SHANK2: variants seen among roughly 807,000 people sequenced by gnomAD.
The protein encoded by SHANK2 is SH3 and multiple ankyrin repeat domains 2.
In SHANK2, 43 loss-of-function variants were observed where a neutral mutation model predicts 133.7. The ratio of observed to expected loss-of-function variants is 0.32; its 90% CI spans 0.25 to 0.41. SHANK2 has a LOEUF of 0.41. Ranked by LOEUF, SHANK2 falls within the 10% of genes least tolerant of loss-of-function variation. The probability of loss-of-function intolerance (pLI) is 1.00; values close to 1 mark genes in which losing one functional copy is unlikely to be tolerated. For missense variants in SHANK2, 1,994 were observed against 2,235.8 expected (o/e 0.89, Z 2.18); for synonymous variants, 1,017 against 952.8 (o/e 1.07, Z -1.24).
At chr11:71,154,613 C>T (rs1258968079) in intron 2 of SHANK2, among the ~76,000 whole-genome samples, 2 of 152,240 alleles carry the variant, frequency 1.3e-5, no homozygotes, top group African/African-American at 4.8e-5. Flanking sequence ...AAAAGCAGAC[C>T]TTCTGACACA....
chr11:70,783,468 G>T (rs1225548632), intron 14 of SHANK2, among the ~76,000 whole-genome samples: 2 of 152,102 alleles, frequency 1.3e-5, no homozygotes, highest in African/African-American at 2.4e-5. Flanking sequence ...CTACTCACAT[G>T]GCCCAGATAC....
chr11:71,059,423 A>G (rs1950961383), intron 9 of SHANK2, among the ~76,000 whole-genome samples: 1 of 152,032 alleles, frequency 6.6e-6, no homozygotes, highest in African/African-American at 2.4e-5. Flanking sequence ...TGGCTGCACA[A>G]CTCTGTGGAC....
chr11:70,706,753 A>T (rs572301492), intron 14 of SHANK2, among the ~76,000 whole-genome samples: 34 of 152,232 alleles, frequency 2.2e-4, no homozygotes, highest in Admixed American at 5.2e-4. Context: ...AAAGGAAAAA[A>T]AAAAAAGGCC....
intron 9 of SHANK2, among the ~76,000 whole-genome samples, chr11:71,057,914 GTT>G (rs879235729): frequency 2.1e-4 from 25 of 121,072 alleles, no homozygotes; most frequent in Admixed American, 2.6e-4. Flanking sequence ...AAGCAAAACG[GTT>G]TTTTTTTTTT....
chr11:71,154,048 A>G (rs1450295764), intron 2 of SHANK2, among the ~76,000 whole-genome samples: 1 of 152,172 alleles, frequency 6.6e-6, no homozygotes, highest in Non-Finnish European at 1.5e-5. Flanking sequence ...CCAAAAGAAA[A>G]GAAGGTTTTT....
intron 10 of SHANK2, among the ~76,000 whole-genome samples, chr11:70,952,406 T>C (rs1232567829): frequency 6.6e-6 from 1 of 152,230 alleles, no homozygotes. Flanking sequence ...GTGGAAACCG[T>C]AGTCCTTTGC....
chr11:71,247,184 C>A (rs1377445589), intron 1 of SHANK2, among the ~76,000 whole-genome samples: 4 of 152,120 alleles, frequency 2.6e-5, no homozygotes, highest in African/African-American at 9.7e-5. Context: ...CTTACGTATC[C>A]GTCAAGAAAA....
At chr11:70,508,889 AAAAG>A (rs1184789202) in intron 17 of SHANK2, among the ~76,000 whole-genome samples, 3 of 152,194 alleles carry the variant, frequency 2.0e-5, no homozygotes, top group East Asian at 1.9e-4. Flanking sequence ...ACCCTGTCTC[AAAAG>A]AAAGAGAGTC....
intron 17 of SHANK2, among the ~76,000 whole-genome samples, chr11:70,630,616 A>G (rs925064977): frequency 3.9e-5 from 6 of 152,148 alleles, no homozygotes; most frequent in Non-Finnish European, 1.5e-5. Flanking sequence ...CCTTATAAGG[A>G]GGGAAAATAC....
At chr11:70,601,569 C>T (rs2060497969) in intron 17 of SHANK2, among the ~76,000 whole-genome samples, 1 of 152,138 alleles carries the variant, frequency 6.6e-6, no homozygotes, top group Admixed American at 6.5e-5. Flanking sequence ...CCAGGCTTGT[C>T]TCCAACTCCT....
rs1555075745 is a variant in SHANK2, at chr11:70,896,577, G to A, written c.1108-10C>T. 1.4e-6 allele frequency: 1 copy of A among 718,906 alleles called. No homozygotes were observed. The highest frequency in any genetic ancestry group is 1.5e-5 in the South Asian group (1 of 67,492). The allele number at this position is 718,906 out of a possible 1,614,324, so 44.5% of individuals were successfully genotyped here. ...CTGCTATTATGGCCACCTGCAAAGT[G>A]AAAATCACATTAAGTTAAGTGTCAC... On this transcript the variant is annotated splice_polypyrimidine_tract_variant and intron_variant, in intron 10 of 25. Coordinates refer to ENST00000601538, the MANE Select transcript of SHANK2 (RefSeq NM_012309.5).
At chr11:71,239,115 C>G (rs1194030643) in intron 1 of SHANK2, among the ~76,000 whole-genome samples, 2 of 152,240 alleles carry the variant, frequency 1.3e-5, no homozygotes, top group Non-Finnish European at 1.5e-5. Flanking sequence ...GGCCGCCAGG[C>G]AGGCCAAGAG....
At chr11:71,095,295 GGGACAAGGGTCCCGTGCAGAT>G (rs1951588926) in intron 6 of SHANK2, among the ~76,000 whole-genome samples, 1 of 152,222 alleles carries the variant, frequency 6.6e-6, no homozygotes, top group African/African-American at 2.4e-5. Context: ...TGCCTTTGTA[GGGACAAGGGTCCCGTGCAGAT>G]GACCCTGGAC....
intron 14 of SHANK2, among the ~76,000 whole-genome samples, chr11:70,724,674 C>G (rs1311965906): frequency 6.6e-6 from 1 of 152,230 alleles, no homozygotes; most frequent in South Asian, 2.1e-4. Flanking sequence ...AGGTGACTGC[C>G]GCCAACCACG....
intron 17 of SHANK2, among the ~76,000 whole-genome samples, chr11:70,538,669 G>T (rs9804590): frequency 0.053 from 8,021 of 152,318 alleles, 492 homozygotes; most frequent in African/African-American, 0.14. Context: ...GTCAGTGGTG[G>T]AGTCTGTGCT....
At chr11:70,815,342 A>C (rs1037167998) in intron 12 of SHANK2, among the ~76,000 whole-genome samples, 3 of 151,980 alleles carry the variant, frequency 2.0e-5, no homozygotes, top group African/African-American at 7.3e-5. Flanking sequence ...GGCAGGGACA[A>C]GTGTGGGGCG....
intron 1 of SHANK2, among the ~76,000 whole-genome samples, chr11:71,238,374 A>G (rs1954849090): frequency 6.6e-6 from 1 of 152,248 alleles, no homozygotes; most frequent in African/African-American, 2.4e-5. Context: ...CCATAGTCTC[A>G]GCTTTACATA....
rs545229595 is a variant in SHANK2 at position 71,167,614 on chromosome 11, G to A, written c.-12-20276C>T. Reference sequence around the variant, plus strand: ...GGACTCCTCACTTCCCAGTAGGGGCGGCCGGGAAGAGGCGCCCCTCACTTC... The same window carrying A: ...GGACTCCTCACTTCCCAGTAGGGGCAGCCGGGAAGAGGCGCCCCTCACTTC... On this transcript the variant is annotated intron_variant, in intron 2 of 25. Transcript: ENST00000601538. 9.5e-5 allele frequency among the ~76,000 whole-genome samples: 14 copies of A among 146,942 alleles called. No individual in the cohort carries two copies. The South Asian group carries it at 1.3e-3, about 14-fold the overall frequency.
At chr11:71,074,073 G>A (rs1270647660) in intron 9 of SHANK2, among the ~76,000 whole-genome samples, 1 of 152,184 alleles carries the variant, frequency 6.6e-6, no homozygotes, top group Admixed American at 6.5e-5. Context: ...AGCTGTGGGA[G>A]TGGGATGCTC....
Sources: gnomAD v4.1 joint callset for allele counts (sites outside exome capture counted in the v4.1 genomes callset) on GRCh38, gnomAD v4.1.1 for gene constraint, MANE v1.5 for transcripts, NCBI Gene and HGNC (gene_info 2026-07-23, HGNC 2026-07-21) for gene names.